The following AAK1 variants were observed in gnomAD, a reference collection of about 807,000 sequenced individuals.
AAK1 encodes the protein AP2 associated kinase 1.
A neutral mutation model predicts 116.0 loss-of-function variants in AAK1; 37 were observed. The ratio of observed to expected loss-of-function variants is 0.32; its 90% CI spans 0.25 to 0.42. The LOEUF is 0.42. Among genes scored for constraint, AAK1 ranks in the 10% least tolerant of loss-of-function variants. The pLI is 1.00. For missense variants in AAK1, 919 were observed against 1,170.6 expected (o/e 0.79, Z 3.14); for synonymous variants, 458 against 439.9 (o/e 1.04, Z -0.51).
At chr2:69,517,890 C>T (rs763620516) in intron 12 of AAK1, among the ~76,000 whole-genome samples, 4 of 151,894 alleles carry the variant, frequency 2.6e-5, no homozygotes, top group Middle Eastern at 3.4e-3. Flanking sequence ...ATTTGGGAGG[C>T]TGAGGTGGGA....
chr2:69,549,999 A>G (rs1671108245), intron 3 of AAK1, among the ~76,000 whole-genome samples: 1 of 152,236 alleles, frequency 6.6e-6, no homozygotes, highest in South Asian at 2.1e-4. Context: ...ATTAATGGTA[A>G]GCCACAATGC....
chr2:69,570,563 T>C (rs1187659054), intron 2 of AAK1, among the ~76,000 whole-genome samples: 2 of 152,040 alleles, frequency 1.3e-5, no homozygotes, highest in Admixed American at 1.3e-4. Flanking sequence ...TGTGAACCTA[T>C]AAAAACAACA....
Position 69,475,116 on chromosome 2 carries a change from T to C in AAK1, c.*753A>G. On this transcript the variant is annotated 3_prime_UTR_variant, in exon 22 of 22. Transcript: ENST00000409085. Reference sequence around the variant, plus strand: ...CTTGGGATTTATATAACGTACACATTGTATCCAAGGATCTCAAATACTTGC... The same window carrying C: ...CTTGGGATTTATATAACGTACACATCGTATCCAAGGATCTCAAATACTTGC... 1.0e-6 allele frequency: 1 copy of C among 985,812 alleles called. No homozygotes were observed. The highest frequency in any genetic ancestry group is 1.2e-6 in the Non-Finnish European group (1 of 829,930). The allele number at this position is 985,812 out of a possible 1,614,324, so 61.1% of individuals were successfully genotyped here. A position where few individuals can be genotyped will look rare whatever the true frequency, so the allele number is the denominator to read the frequency against.
In AAK1 at chr2:69,616,177, G is replaced by A. The variant is rs79686374; in HGVS notation, c.163+26701C>T. On this transcript the variant is annotated intron_variant, in intron 2 of 21. Coordinates refer to ENST00000409085, the MANE Select transcript of AAK1 (RefSeq NM_014911.5). Reference sequence around the variant, plus strand: ...AACATTATGTTTAGTTTTGGTTTCTGGTTTTCTTTTAGAGATGAAGTTTGC... The same window carrying A: ...AACATTATGTTTAGTTTTGGTTTCTAGTTTTCTTTTAGAGATGAAGTTTGC... Among the ~76,000 whole-genome samples, 472 of 152,252 alleles carry A rather than the reference G, an allele frequency of 3.1e-3. 1 individual carries two copies. Among genetic ancestry groups the A allele is most frequent in the Middle Eastern group, 6.8e-3 (2 of 294 alleles).
intron 16 of AAK1, among the ~76,000 whole-genome samples, chr2:69,503,759 G>C (rs1474064853): frequency 1.3e-5 from 2 of 152,292 alleles, no homozygotes; most frequent in East Asian, 3.9e-4. Flanking sequence ...GACCTTAAGC[G>C]ATCTGCCCAC....
At position 69,471,983 on chromosome 2, in the gene AAK1, T is replaced by G; in HGVS notation, c.*3886A>C. The G allele has an allele frequency of 3.0e-6, 3 of 985,328 alleles. No individual in the cohort carries two copies. The highest frequency in any genetic ancestry group is 3.6e-6 in the Non-Finnish European group (3 of 829,816). The allele number at this position is 985,328 out of a possible 1,614,324, so 61.0% of individuals were successfully genotyped here. A position where few individuals can be genotyped will look rare whatever the true frequency, so the allele number is the denominator to read the frequency against. ...ACAAGTATTAGCAATCCAAGTTGTG[T>G]AATTCTAATTCAGGAAGAGCGAAGT... On this transcript the variant is annotated 3_prime_UTR_variant, in exon 22 of 22. Coordinates refer to ENST00000409085, the MANE Select transcript of AAK1 (RefSeq NM_014911.5).
At chr2:69,602,403 T>C (rs1402465192) in intron 2 of AAK1, among the ~76,000 whole-genome samples, 1 of 152,032 alleles carries the variant, frequency 6.6e-6, no homozygotes, top group Non-Finnish European at 1.5e-5. Context: ...AAATATACAC[T>C]AAAATGTTTA....
chr2:69,482,388 T>C, intron 18 of AAK1: 1 of 542,052 alleles, frequency 1.8e-6, no homozygotes, highest in Non-Finnish European at 3.2e-6. Context: ...CTGCTAAATT[T>C]CATTAAGTTC....
intron 2 of AAK1, among the ~76,000 whole-genome samples, chr2:69,638,774 C>T (rs749460769): frequency 6.6e-6 from 1 of 152,192 alleles, no homozygotes; most frequent in Non-Finnish European, 1.5e-5. Flanking sequence ...CTTCATGTCA[C>T]CTATGAACTC....
At chr2:69,484,692 T>C (rs1210116311) in intron 17 of AAK1, among the ~76,000 whole-genome samples, 1 of 151,808 alleles carries the variant, frequency 6.6e-6, no homozygotes, top group African/African-American at 2.4e-5. Flanking sequence ...CTGACCAACA[T>C]GGCGAAACCC....
chr2:69,630,617 T>A (rs548576739), intron 2 of AAK1, among the ~76,000 whole-genome samples: 22 of 152,352 alleles, frequency 1.4e-4, no homozygotes, highest in African/African-American at 5.3e-4. Context: ...ATGAGAAGAC[T>A]AGATCTTAGT....
At position 69,470,911 on chromosome 2, in the gene AAK1, C is replaced by T. The variant is rs774905936; in HGVS notation, c.*4958G>A. Reference sequence around the variant, plus strand: ...ATTTTAAGTTATTTACATCTCTAAACATCATGCTCCCATTTGAACAGATAA... The same window carrying T: ...ATTTTAAGTTATTTACATCTCTAAATATCATGCTCCCATTTGAACAGATAA... On this transcript the variant is annotated 3_prime_UTR_variant, in exon 22 of 22. Transcript: ENST00000409085. The T allele has an allele frequency of 2.1e-5, 21 of 985,768 alleles. No individual in the cohort carries two copies. Among genetic ancestry groups the T allele is most frequent in the Non-Finnish European group, 2.3e-5 (19 of 829,936 alleles). 61.1% of individuals were successfully genotyped at this position (985,768 alleles called of 1,614,324 possible).
intron 2 of AAK1, among the ~76,000 whole-genome samples, chr2:69,570,032 TAAGA>T (rs1312192529): frequency 2.0e-5 from 3 of 152,190 alleles, no homozygotes; most frequent in Non-Finnish European, 4.4e-5. Context: ...TTTAATTTTA[TAAGA>T]AAGTGACAGA....
At chr2:69,639,938 C>A (rs1374185223) in intron 2 of AAK1, among the ~76,000 whole-genome samples, 1 of 151,432 alleles carries the variant, frequency 6.6e-6, no homozygotes, top group Non-Finnish European at 1.5e-5. Context: ...TGGCTCTGTC[C>A]CCTAACAATG....
intron 5 of AAK1, among the ~76,000 whole-genome samples, chr2:69,537,425 T>C (rs2105039358): frequency 6.6e-6 from 1 of 152,338 alleles, no homozygotes; most frequent in African/African-American, 2.4e-5. Context: ...CAGTTCTGCA[T>C]GTGAACCAGC....
chr2:69,466,108 G>A lies in AAK1; in HGVS notation c.*9761C>T. 1 of 1,290,796 alleles carries A rather than the reference G, an allele frequency of 7.7e-7. No individual in the cohort carries two copies. Among genetic ancestry groups the A allele is most frequent in the Non-Finnish European group, 1.0e-6 (1 of 988,884 alleles). 80.0% of individuals were successfully genotyped at this position (1,290,796 alleles called of 1,614,324 possible). A position where few individuals can be genotyped will look rare whatever the true frequency, so the allele number is the denominator to read the frequency against. On this transcript the variant is annotated 3_prime_UTR_variant, in exon 22 of 22. Transcript: ENST00000409085. Reference sequence around the variant, plus strand: ...TTTGGAACCCTTGAGCTCCTGAAGGGAGCTATGGCAAAAACATCTGGCTCA... The same window carrying A: ...TTTGGAACCCTTGAGCTCCTGAAGGAAGCTATGGCAAAAACATCTGGCTCA...
At chr2:69,532,902 A>C (rs1012281831) in intron 5 of AAK1, among the ~76,000 whole-genome samples, 1 of 152,216 alleles carries the variant, frequency 6.6e-6, no homozygotes, top group Non-Finnish European at 1.5e-5. Context: ...TAAAGCCCCA[A>C]ATCTAGAGAA....
intron 8 of AAK1, 58 bp from the exon 9 acceptor site, chr2:69,527,377 G>A: frequency 8.6e-7 from 1 of 1,160,768 alleles, no homozygotes; most frequent in Non-Finnish European, 1.3e-6. Flanking sequence ...CACTAGCTAG[G>A]AAGCATCATT....
At chr2:69,560,036 G>A (rs1247838039) in intron 2 of AAK1, among the ~76,000 whole-genome samples, 2 of 152,174 alleles carry the variant, frequency 1.3e-5, no homozygotes, top group African/African-American at 4.8e-5. Flanking sequence ...AAATCTAAAA[G>A]CAAATCAGTG....
Sources: allele counts gnomAD v4.1 joint callset (sites outside exome capture counted in the v4.1 genomes callset), GRCh38; gene constraint gnomAD v4.1.1; transcripts MANE v1.5; gene names NCBI Gene and HGNC (gene_info 2026-07-23, HGNC 2026-07-21).